The following KIF1C variants were observed in gnomAD, a reference collection of about 807,000 sequenced individuals.
KIF1C encodes the protein kinesin-like protein KIF1C.
Under a neutral mutation model 126.5 loss-of-function variants are expected in KIF1C, and 61 were observed. The observed-to-expected ratio is 0.48, with a 90% confidence interval of 0.39 to 0.60. KIF1C has a LOEUF of 0.60. Ranked by LOEUF, KIF1C falls within the 20% of genes least tolerant of loss-of-function variation. The probability of loss-of-function intolerance (pLI) is 0.00; values close to 1 mark genes in which losing one functional copy is unlikely to be tolerated. For missense variants in KIF1C, 1,315 were observed against 1,489.2 expected (o/e 0.88, Z 1.93); for synonymous variants, 640 against 580.6 (o/e 1.10, Z -1.47).
In KIF1C at chr17:5,022,586, C is replaced by T. The variant is rs753530320; in HGVS notation, c.2505C>T (p.Ala835=). 2 of 1,601,380 alleles carry T rather than the reference C, an allele frequency of 1.2e-6. No homozygotes were observed. The highest frequency in any genetic ancestry group is 1.7e-6 in the Non-Finnish European group (2 of 1,173,814). The change falls in exon 22 of 23, where the codon GCC becomes GCT. Residue 835 remains alanine (A), a synonymous_variant. Transcript: ENST00000320785. This position sits in a 1 kb window ranked among gnomAD's most constrained non-coding sequence, Gnocchi z 4.9. ...ARGAEVEDLR[A]HIDKLTGILQ... ...GGGCGGAGGTGGAGGACCTCCGGGC[C>T]CACATCGACAAGCTGACGGGGATTC...
At position 5,002,399 on chromosome 17, in the gene KIF1C, A is replaced by C. The variant is rs866539258; in HGVS notation, c.430-65A>C. 1.3e-5 allele frequency: 18 copies of C among 1,433,416 alleles called. No homozygotes were observed. In the Middle Eastern group the frequency reaches 5.4e-4, roughly 43 times the overall value. 88.8% of individuals were successfully genotyped at this position (1,433,416 alleles called of 1,614,324 possible). A position where few individuals can be genotyped will look rare whatever the true frequency, so the allele number is the denominator to read the frequency against. ...CACCTGGATCGTGTCCAGTGGAGTC[A>C]GATTAAGTTGCGTTGTCATTGTTTT... On this transcript the variant is annotated intron_variant, in intron 6 of 22. Coordinates refer to ENST00000320785, the MANE Select transcript of KIF1C (RefSeq NM_006612.6).
At chr17:5,001,200 C>T (rs370271731) in intron 4 of KIF1C, 22 bp from the exon 5 acceptor site, 31 of 1,612,236 alleles carry the variant, frequency 1.9e-5, no homozygotes, top group Non-Finnish European at 2.5e-5. Flanking sequence ...CTCTGTTTTT[C>T]TCTGCCCCCA....
chr17:5,001,165 C>CA, intron 4 of KIF1C, 57 bp from the exon 5 acceptor site: 1 of 1,555,058 alleles, frequency 6.4e-7, no homozygotes, highest in Non-Finnish European at 8.8e-7. Context: ...GACAGAGACA[C>CA]AAAGGATAAA....
Position 5,024,300 on chromosome 17 carries a change from A to G in KIF1C, c.*149A>G. 1 of 581,880 alleles carries G rather than the reference A, an allele frequency of 1.7e-6. No individual in the cohort carries two copies. Among genetic ancestry groups the G allele is most frequent in the Non-Finnish European group, 3.0e-6 (1 of 337,736 alleles). 36.0% of individuals were successfully genotyped at this position (581,880 alleles called of 1,614,324 possible). ...GTAGGTGATAGAAGACAAGGGGGAG[A>G]CCGAGCCGGAGGCTGAGGAAAGGAA... On this transcript the variant is annotated 3_prime_UTR_variant, in exon 23 of 23. Transcript: ENST00000320785.
In KIF1C at chr17:5,002,483, A is replaced by C. The variant is rs756493686; in HGVS notation, c.449A>C (p.Tyr150Ser). The C allele has an allele frequency of 1.1e-5, 18 of 1,606,938 alleles. No individual in the cohort carries two copies. The highest frequency in any genetic ancestry group is 1.7e-5 in the Admixed American group (1 of 59,288). ...YSVEVSYMEI[Y>S]CERVRDLLNP... ...ACTCAGGTGAGCTATATGGAGATCT[A>C]CTGTGAGCGGGTACGAGACCTCTTG... The change falls in exon 7 of 23, where the codon TAC becomes TCC. Residue 150 changes from tyrosine to serine, a missense_variant. This residue lies in a region of KIF1C where 874 missense variants were observed against 1,053.2 expected (regional missense o/e 0.83). Coordinates refer to ENST00000320785, the MANE Select transcript of KIF1C (RefSeq NM_006612.6).
Position 5,024,190 on chromosome 17 carries a change from G to GC in KIF1C, c.*40dup. 6.9e-7 allele frequency: 1 copy of GC among 1,453,784 alleles called. No individual in the cohort carries two copies. Among genetic ancestry groups the GC allele is most frequent in the African/African-American group, 1.4e-5 (1 of 70,018 alleles). The allele number at this position is 1,453,784 out of a possible 1,614,324, so 90.1% of individuals were successfully genotyped here. A position where few individuals can be genotyped will look rare whatever the true frequency, so the allele number is the denominator to read the frequency against. On this transcript the variant is annotated 3_prime_UTR_variant, in exon 23 of 23. Transcript: ENST00000320785. The stretch of plus-strand genomic sequence containing the variant: ...GGCAGAGGGCCTGGTGGGGCCCCTT[G>GC]CTAGGAGAAGGGAAGACGCCCGAGA...
At position 5,000,765 on chromosome 17, in the gene KIF1C, C is replaced by T. The variant is rs1490383195; in HGVS notation, c.107-7C>T. 16 of 1,613,742 alleles carry T rather than the reference C, an allele frequency of 9.9e-6. No individual in the cohort carries two copies. Among genetic ancestry groups the T allele is most frequent in the Non-Finnish European group, 1.0e-5 (12 of 1,179,740 alleles). On this transcript the variant is annotated splice_polypyrimidine_tract_variant and splice_region_variant and intron_variant, in intron 3 of 22. Transcript: ENST00000320785. ...CTTTCCTTCCTTTACCCTCTCCTGC[C>T]CCTCAGCCATCATCAATCCTAAACA...
In KIF1C at chr17:5,008,687, G is replaced by C. The variant is rs1446052703; in HGVS notation, c.1491+1145G>C. ...CTGGCCCAAGCCACATTGAGGGAGT[G>C]AAAGAGCTGTGGGCGGTAGGCCAGG... On this transcript the variant is annotated intron_variant, in intron 16 of 22. Coordinates refer to ENST00000320785, the MANE Select transcript of KIF1C (RefSeq NM_006612.6). 5.3e-5 allele frequency among the ~76,000 whole-genome samples: 8 copies of C among 152,244 alleles called. No homozygotes were observed. In the East Asian group the frequency reaches 1.5e-3, roughly 29 times the overall value.
chr17:5,019,601 A>AGC (rs1260251038), intron 18 of KIF1C: 1 of 212,272 alleles, frequency 4.7e-6, no homozygotes, highest in Non-Finnish European at 1.0e-5. Flanking sequence ...CTGCTGGAGG[A>AGC]GCCCAGGCCC....
chr17:5,012,704 G>A (rs1047262433), intron 16 of KIF1C, among the ~76,000 whole-genome samples: 4 of 152,134 alleles, frequency 2.6e-5, no homozygotes, highest in South Asian at 4.2e-4. Flanking sequence ...GGGTGGTGCC[G>A]AGGGATGGAG....
At chr17:5,008,460 G>A in intron 16 of KIF1C, among the ~76,000 whole-genome samples, 1 of 152,114 alleles carries the variant, frequency 6.6e-6, no homozygotes, top group South Asian at 2.1e-4. Context: ...GGACCATGGT[G>A]TGAAGCAGCA....
At chr17:5,004,751 G>A in intron 12 of KIF1C, 104 bp from the exon 13 acceptor site, 1 of 1,593,062 alleles carries the variant, frequency 6.3e-7, no homozygotes, top group Non-Finnish European at 8.6e-7. Context: ...AGATGCCGGA[G>A]CCTTGCCACA....
intron 21 of KIF1C, among the ~76,000 whole-genome samples, chr17:5,021,169 GTTTT>G (rs765920431): frequency 2.6e-5 from 2 of 77,398 alleles, no homozygotes; most frequent in Non-Finnish European, 2.4e-5. Flanking sequence ...GATTGTTGTG[GTTTT>G]TTTTTTTTTT....
At chr17:5,004,171 T>A in intron 11 of KIF1C, 98 bp downstream of exon 11, 1 of 918,170 alleles carries the variant, frequency 1.1e-6, no homozygotes, top group Non-Finnish European at 1.8e-6. Flanking sequence ...GAATCCCAAA[T>A]CCCGTTGTCT....
rs1975213281 is a variant in KIF1C, at chr17:5,026,711, C to T, written c.*2560C>T. The T allele has an allele frequency of 7.1e-6, 1 of 140,476 alleles. No individual in the cohort carries two copies. Among genetic ancestry groups the T allele is most frequent in the African/African-American group, 2.7e-5 (1 of 37,116 alleles). The allele number at this position is 140,476 out of a possible 1,614,324, so 8.7% of individuals were successfully genotyped here. A position where few individuals can be genotyped will look rare whatever the true frequency, so the allele number is the denominator to read the frequency against. On this transcript the variant is annotated 3_prime_UTR_variant, in exon 23 of 23. Coordinates refer to ENST00000320785, the MANE Select transcript of KIF1C (RefSeq NM_006612.6). ...GGTGAGCTGTGAAGGCACCACAGCA[C>T]TCTGGCCTGGGCAAGAGTGGGACTC... is the stretch of plus-strand genomic sequence containing the variant.
intron 11 of KIF1C, 117 bp downstream of exon 11, chr17:5,004,190 C>T: frequency 2.5e-6 from 2 of 813,048 alleles, no homozygotes; most frequent in South Asian, 1.4e-5. Flanking sequence ...CTTACTTCTC[C>T]CCCTGACCCT....
At chr17:5,013,610 C>G (rs779119033) in intron 16 of KIF1C, 43 bp from the exon 17 acceptor site, 1 of 1,439,612 alleles carries the variant, frequency 6.9e-7, no homozygotes, top group Non-Finnish European at 9.8e-7. Context: ...TTCTATAGCA[C>G]CCCTGGCTGG....
In KIF1C at chr17:5,002,758, G is replaced by A; in HGVS notation, c.636G>A (p.Glu212=). ...ARTVAATNMN[E]TSSRSHAVFT... ...CTGTGGCTGCCACCAACATGAATGA[G>A]ACCAGCAGCCGTTCCCATGCCGTCT... Residue 212 remains glutamate, a synonymous_variant, in exon 8 of 23, where the codon GAG becomes GAA. Transcript: ENST00000320785. 4 of 1,613,986 alleles carry A rather than the reference G, an allele frequency of 2.5e-6. No individual in the cohort carries two copies. The highest frequency in any genetic ancestry group is 3.4e-6 in the Non-Finnish European group (4 of 1,179,988).
chr17:5,021,511 GCT>G (rs1394632810), intron 21 of KIF1C, among the ~76,000 whole-genome samples: 1 of 151,354 alleles, frequency 6.6e-6, no homozygotes, highest in African/African-American at 2.4e-5. Context: ...GCAGGATCTT[GCT>G]CTGTCACCCT....
Sources: allele counts gnomAD v4.1 joint callset (sites outside exome capture counted in the v4.1 genomes callset), GRCh38; gene constraint gnomAD v4.1.1; regional missense constraint gnomAD v4.1.1; non-coding constraint Gnocchi (gnomAD v3.1); transcripts MANE v1.5; gene names NCBI Gene and HGNC (gene_info 2026-07-23, HGNC 2026-07-21).